The following GPC5 variants were observed in gnomAD, a reference collection of about 807,000 sequenced individuals.
GPC5 encodes the protein glypican 5, also known as glypican-5.
GPC5 carries 47 observed loss-of-function variants against 53.9 expected under a neutral mutation model. The observed-to-expected ratio is 0.87, with a 90% CI of 0.69 to 1.11. GPC5 has a LOEUF of 1.11. GPC5 is among the 50% of genes most tolerant of loss of function. GPC5 has a pLI of 0.00. For missense variants in GPC5, 748 were observed against 713.1 expected (o/e 1.05, Z -0.56); for synonymous variants, 286 against 263.3 (o/e 1.09, Z -0.84).
chr13:92,130,645 G>A (rs1047596847), intron 6 of GPC5, among the ~76,000 whole-genome samples: 40 of 152,100 alleles, frequency 2.6e-4, no homozygotes, highest in African/African-American at 8.2e-4. Flanking sequence ...AGGAATATTC[G>A]CCATGCAAAT....
chr13:92,699,275 C>G (rs1269733826), intron 7 of GPC5, among the ~76,000 whole-genome samples: 2 of 152,128 alleles, frequency 1.3e-5, no homozygotes, highest in East Asian at 3.9e-4. Flanking sequence ...GTGTTGATAT[C>G]CCCTTTATCA....
chr13:92,524,053 T>C (rs920930087), intron 7 of GPC5, among the ~76,000 whole-genome samples: 1 of 152,096 alleles, frequency 6.6e-6, no homozygotes, highest in Non-Finnish European at 1.5e-5. Flanking sequence ...TTGATGCTAA[T>C]TGGGGTTGCT....
chr13:91,632,375 A>G (rs2034180206), intron 2 of GPC5, among the ~76,000 whole-genome samples: 1 of 152,140 alleles, frequency 6.6e-6, no homozygotes, highest in Admixed American at 6.6e-5. Flanking sequence ...ACAAGGCTTA[A>G]TAGAGAGGAT....
intron 2 of GPC5, among the ~76,000 whole-genome samples, chr13:91,618,005 A>AAAATGTAAAT (rs2033745215): frequency 1.3e-5 from 2 of 152,082 alleles, no homozygotes. Flanking sequence ...TGCTCCAGCC[A>AAAATGTAAAT]CTGAAAAATG....
intron 5 of GPC5, among the ~76,000 whole-genome samples, chr13:91,835,480 C>A (rs2038712919): frequency 2.0e-5 from 3 of 152,118 alleles, no homozygotes; most frequent in Admixed American, 6.6e-5. Flanking sequence ...AAACTTGGAA[C>A]CAATCCAAAT....
chr13:92,581,216 C>T (rs1883357295), intron 7 of GPC5, among the ~76,000 whole-genome samples: 1 of 152,248 alleles, frequency 6.6e-6, no homozygotes, highest in South Asian at 2.1e-4. Context: ...TCACCCTTAT[C>T]TCCTCAGTCC....
chr13:91,964,410 G>GT (rs1463326240), intron 6 of GPC5, among the ~76,000 whole-genome samples: 5 of 151,934 alleles, frequency 3.3e-5, no homozygotes, highest in Non-Finnish European at 7.4e-5. Flanking sequence ...ACAGAGTGCT[G>GT]ATTGGTCTGT....
chr13:91,783,783 C>T (rs189302503), intron 5 of GPC5, among the ~76,000 whole-genome samples: 17 of 152,226 alleles, frequency 1.1e-4, no homozygotes, highest in African/African-American at 4.1e-4. Context: ...TTTTCCCCTT[C>T]AGAAAATCAT....
At chr13:91,888,574 C>A (rs954677465) in intron 5 of GPC5, among the ~76,000 whole-genome samples, 8 of 152,062 alleles carry the variant, frequency 5.3e-5, no homozygotes, top group Non-Finnish European at 1.0e-4. Context: ...TCTTGTCTGG[C>A]TTATTGTACA....
intron 7 of GPC5, among the ~76,000 whole-genome samples, chr13:92,458,357 G>T (rs1594218170): frequency 6.6e-6 from 1 of 152,134 alleles, no homozygotes; most frequent in East Asian, 1.9e-4. Context: ...GGAGTGCAGT[G>T]GCGCGATCTT....
chr13:92,377,045 C>T (rs1380053691), intron 7 of GPC5, among the ~76,000 whole-genome samples: 1 of 152,028 alleles, frequency 6.6e-6, no homozygotes, highest in East Asian at 1.9e-4. Flanking sequence ...AGAAACTTCC[C>T]TGACTGAAGT....
chr13:92,138,785 G>A (rs1392101666), intron 6 of GPC5, among the ~76,000 whole-genome samples: 1 of 152,076 alleles, frequency 6.6e-6, no homozygotes, highest in Non-Finnish European at 1.5e-5. Context: ...GCATAGGGGA[G>A]TTATTTGATG....
At chr13:92,443,592 A>C (rs1877668291) in intron 7 of GPC5, among the ~76,000 whole-genome samples, 1 of 152,224 alleles carries the variant, frequency 6.6e-6, no homozygotes, top group Non-Finnish European at 1.5e-5. Flanking sequence ...CACCTTGAAG[A>C]TAAGGAATAA....
intron 5 of GPC5, among the ~76,000 whole-genome samples, chr13:91,849,002 G>A (rs2138886901): frequency 6.6e-6 from 1 of 152,204 alleles, no homozygotes; most frequent in Admixed American, 6.5e-5. Context: ...CTATTTTTTA[G>A]AGGTGAGAGG....
chr13:91,900,958 T>A (rs1181765081), intron 5 of GPC5, among the ~76,000 whole-genome samples: 2 of 151,950 alleles, frequency 1.3e-5, no homozygotes, highest in Non-Finnish European at 2.9e-5. Context: ...AAATCAGGAG[T>A]TAGGGTGAAC....
intron 2 of GPC5, among the ~76,000 whole-genome samples, chr13:91,459,090 A>G (rs1881753490): frequency 6.6e-6 from 1 of 151,958 alleles, no homozygotes; most frequent in Admixed American, 6.6e-5. Flanking sequence ...GGGATAAAAG[A>G]CTACACTGGG....
intron 7 of GPC5, among the ~76,000 whole-genome samples, chr13:92,396,868 C>G (rs962990270): frequency 2.0e-5 from 3 of 152,148 alleles, no homozygotes; most frequent in Admixed American, 2.0e-4. Context: ...TTTGAATAAT[C>G]TGATGGGAGC....
chr13:91,662,116 A>G (rs2035001738), intron 2 of GPC5, among the ~76,000 whole-genome samples: 1 of 152,182 alleles, frequency 6.6e-6, no homozygotes, highest in Non-Finnish European at 1.5e-5. Flanking sequence ...AACAGAGGGA[A>G]GAAGAGAACT....
At chr13:91,977,424 A>C (rs910438947) in intron 6 of GPC5, among the ~76,000 whole-genome samples, 1 of 152,168 alleles carries the variant, frequency 6.6e-6, no homozygotes, top group African/African-American at 2.4e-5. Context: ...TTTTAGACAG[A>C]TATTTTTTCA....
Sources: gnomAD v4.1 joint callset for allele counts (sites outside exome capture counted in the v4.1 genomes callset) on GRCh38, gnomAD v4.1.1 for gene constraint, MANE v1.5 for transcripts, NCBI Gene and HGNC (gene_info 2026-07-23, HGNC 2026-07-21) for gene names.